The following PTPRT variants were observed in gnomAD, a reference collection of about 807,000 sequenced individuals.
PTPRT encodes receptor-type tyrosine-protein phosphatase T.
A neutral mutation model predicts 176.8 loss-of-function variants in PTPRT; 56 were observed. The observed-to-expected ratio is 0.32, with a 90% CI of 0.26 to 0.40. PTPRT has a LOEUF of 0.40. PTPRT is among the 10% of genes least tolerant of loss of function. The probability of loss-of-function intolerance (pLI) is 1.00; values close to 1 mark genes in which losing one functional copy is unlikely to be tolerated. For synonymous variants in PTPRT, 783 were observed against 739.0 expected, an observed-to-expected ratio of 1.06 and a Z score of -0.96; for missense variants, 1,540 against 1,908.2, an observed-to-expected ratio of 0.81 and a Z score of 3.60.
At chr20:42,066,243 T>C in the PTPRT span, among the ~76,000 whole-genome samples, 1 of 151,968 alleles carries the variant, frequency 6.6e-6, no homozygotes, top group Non-Finnish European at 1.5e-5. Flanking sequence ...GGTTTCACCA[T>C]GTTGACCAGG....
chr20:42,381,673 AG>A (rs1473354362), intron 9 of PTPRT, among the ~76,000 whole-genome samples: 1 of 152,064 alleles, frequency 6.6e-6, no homozygotes, highest in Non-Finnish European at 1.5e-5. Context: ...GAAGAAAAGG[AG>A]GGAGGGAAAA....
chr20:43,029,227 G>GC, intron 1 of PTPRT, among the ~76,000 whole-genome samples: 1 of 152,262 alleles, frequency 6.6e-6, no homozygotes, highest in East Asian at 1.9e-4. Context: ...ACACTGTCTG[G>GC]CCCTGACAGC....
At chr20:42,381,523 G>A (rs2058698398) in intron 9 of PTPRT, among the ~76,000 whole-genome samples, 1 of 152,170 alleles carries the variant, frequency 6.6e-6, no homozygotes, top group African/African-American at 2.4e-5. Flanking sequence ...TATAGTGTGG[G>A]TGAAAGATAA....
At chr20:42,259,724 G>T (rs901196593) in intron 13 of PTPRT, among the ~76,000 whole-genome samples, 2 of 152,234 alleles carry the variant, frequency 1.3e-5, no homozygotes, top group African/African-American at 4.8e-5. Flanking sequence ...CTAAAGCAGA[G>T]ATCAGGAGTC....
chr20:42,420,809 C>T (rs1283411109), intron 9 of PTPRT, among the ~76,000 whole-genome samples: 5 of 152,176 alleles, frequency 3.3e-5, no homozygotes, highest in Admixed American at 3.3e-4. Flanking sequence ...GACCTCACAA[C>T]ATTTGGGGGT....
intron 1 of PTPRT, among the ~76,000 whole-genome samples, chr20:43,090,412 C>T (rs557931993): frequency 1.8e-3 from 271 of 152,070 alleles, no homozygotes; most frequent in Admixed American, 3.2e-3. Flanking sequence ...GGACTACAGG[C>T]GCCCGCCACC....
At chr20:42,149,658 A>G (rs1191353476) in intron 17 of PTPRT, among the ~76,000 whole-genome samples, 1 of 152,066 alleles carries the variant, frequency 6.6e-6, no homozygotes, top group Non-Finnish European at 1.5e-5. Context: ...TCCTGACCTC[A>G]GGTAATCTGC....
At chr20:42,316,049 G>A in intron 11 of PTPRT, 53 bp from the exon 12 acceptor site, 1 of 1,586,116 alleles carries the variant, frequency 6.3e-7, no homozygotes, top group Non-Finnish European at 8.6e-7. Flanking sequence ...GGAAGAATGA[G>A]CTTGTTAGCT....
intron 1 of PTPRT, among the ~76,000 whole-genome samples, chr20:43,070,918 G>C (rs2011171705): frequency 6.8e-6 from 1 of 147,032 alleles, no homozygotes; most frequent in Non-Finnish European, 1.5e-5. Context: ...GTATACATAT[G>C]TAACAAACCT....
rs555693202 is a variant in PTPRT at position 42,149,349 on chromosome 20, G to C, written c.2683-7347C>G. Among the ~76,000 whole-genome samples the C allele has an allele frequency of 1.2e-4, 18 of 152,196 alleles. No homozygotes were observed. In the East Asian group the frequency reaches 3.5e-3, roughly 29 times the overall value. On this transcript the variant is annotated intron_variant, in intron 17 of 30. Coordinates refer to ENST00000373187, the MANE Select transcript of PTPRT (RefSeq NM_007050.6). ...TGGATTTGGCTTGGGGTTGGGGCAGGGTGTTCAATCAAGGTCTCGTGGACC... is the reference window on the plus strand; with the variant it reads ...TGGATTTGGCTTGGGGTTGGGGCAGCGTGTTCAATCAAGGTCTCGTGGACC...
At chr20:43,089,415 C>G (rs2011734023) in intron 1 of PTPRT, among the ~76,000 whole-genome samples, 1 of 152,210 alleles carries the variant, frequency 6.6e-6, no homozygotes, top group Non-Finnish European at 1.5e-5. Context: ...TAAACTGCCT[C>G]CATGTTGGTC....
intron 1 of PTPRT, among the ~76,000 whole-genome samples, chr20:43,012,228 G>A (rs916255242): frequency 1.3e-5 from 2 of 152,104 alleles, no homozygotes; most frequent in Admixed American, 6.5e-5. Context: ...AACACAGGAT[G>A]GAATATTTTT....
chr20:42,803,788 A>G (rs2077565495), intron 2 of PTPRT, among the ~76,000 whole-genome samples: 1 of 152,198 alleles, frequency 6.6e-6, no homozygotes, highest in Admixed American at 6.5e-5. Flanking sequence ...TCCTGACCTC[A>G]GGCAATCTGC....
intron 7 of PTPRT, among the ~76,000 whole-genome samples, chr20:42,603,275 A>C (rs188053781): frequency 1.1e-3 from 163 of 152,272 alleles, no homozygotes; most frequent in African/African-American, 3.8e-3. Context: ...GAACTGCTTT[A>C]GACTGGCCTG....
At chr20:42,215,949 T>C (rs1464340086) in intron 15 of PTPRT, among the ~76,000 whole-genome samples, 1 of 152,174 alleles carries the variant, frequency 6.6e-6, no homozygotes, top group Non-Finnish European at 1.5e-5. Context: ...CTTTAGATGC[T>C]CCTCCTCGGT....
intron 7 of PTPRT, among the ~76,000 whole-genome samples, chr20:42,602,531 C>A (rs938311481): frequency 2.6e-5 from 4 of 152,090 alleles, no homozygotes; most frequent in African/African-American, 9.7e-5. Flanking sequence ...GAAATGCTGT[C>A]AATATCTCTA....
In PTPRT at chr20:42,301,637, GACAA is replaced by G. The variant is rs201574196; in HGVS notation, c.2139+14082_2139+14085del. Among the ~76,000 whole-genome samples, 1,238 of 152,218 alleles carry G rather than the reference GACAA, an allele frequency of 8.1e-3. 17 individuals are homozygous for G. Among genetic ancestry groups the G allele is most frequent in the African/African-American group, 0.028 (1,172 of 41,534 alleles). ...GGGGTGATTTATAGACAGATAGATA[GACAA>G]ACAGACAAATAGGGGAAGAAGAGAA... On this transcript the variant is annotated intron_variant, in intron 12 of 30. Coordinates refer to ENST00000373187, the MANE Select transcript of PTPRT (RefSeq NM_007050.6).
intron 1 of PTPRT, among the ~76,000 whole-genome samples, chr20:43,001,322 T>G (rs1230101937): frequency 2.0e-5 from 3 of 152,150 alleles, no homozygotes; most frequent in Non-Finnish European, 4.4e-5. Context: ...AAATTTTTGG[T>G]GAAACTCAAA....
intron 7 of PTPRT, among the ~76,000 whole-genome samples, chr20:42,557,496 C>T (rs1322900633): frequency 6.6e-6 from 1 of 152,096 alleles, no homozygotes; most frequent in Non-Finnish European, 1.5e-5. Flanking sequence ...AAAACTGACT[C>T]ATAACCCCAC....
Sources: gnomAD v4.1 joint callset for allele counts (sites outside exome capture counted in the v4.1 genomes callset) on GRCh38, gnomAD v4.1.1 for gene constraint, MANE v1.5 for transcripts, NCBI Gene and HGNC (gene_info 2026-07-23, HGNC 2026-07-21) for gene names.